Variants in FAM43A observed in about 807,000 individuals in gnomAD.
FAM43A encodes family with sequence similarity 43 member A.
In FAM43A, 11 loss-of-function variants were observed where a neutral mutation model predicts 15.7. The ratio of observed to expected loss-of-function variants is 0.70; its 90% CI spans 0.44 to 1.16. The LOEUF is 1.16. Among genes scored for constraint, FAM43A ranks in the 50% most tolerant of loss-of-function variants. The probability of loss-of-function intolerance (pLI) is 0.00; values close to 1 mark genes in which losing one functional copy is unlikely to be tolerated. For synonymous variants in FAM43A, 319 were observed against 291.7 expected, an observed-to-expected ratio of 1.09 and a Z score of -0.96; for missense variants, 573 against 620.0, an observed-to-expected ratio of 0.92 and a Z score of 0.80.
In FAM43A at chr3:194,686,710, A is replaced by C; in HGVS notation, c.-117A>C. 1 of 1,054,392 alleles carries C rather than the reference A, an allele frequency of 9.5e-7. No individual in the cohort carries two copies. Among genetic ancestry groups the C allele is most frequent in the Non-Finnish European group, 1.2e-6 (1 of 810,778 alleles). The allele number at this position is 1,054,392 out of a possible 1,614,324, so 65.3% of individuals were successfully genotyped here. A position where few individuals can be genotyped will look rare whatever the true frequency, so the allele number is the denominator to read the frequency against. ...TCCCTACCACAGGGCCGCTCCCAGTAGTTTTATTCTTCGATCTTGCCCGGG... is the reference window on the plus strand; with the variant it reads ...TCCCTACCACAGGGCCGCTCCCAGTCGTTTTATTCTTCGATCTTGCCCGGG... On this transcript the variant is annotated 5_prime_UTR_variant, in exon 1 of 1. Coordinates refer to ENST00000329759, the MANE Select transcript of FAM43A (RefSeq NM_153690.5).
In FAM43A at chr3:194,687,942, G is replaced by A. The variant is rs774451760; in HGVS notation, c.1116G>A (p.Leu372=). ...ELSFGNDVRT[L]QADLRVTRLL... ...GCTTCGGCAACGACGTGCGCACCCTGCAGGCCGACTTGCGGGTGACGCGCC... is the reference window on the plus strand; with the variant it reads ...GCTTCGGCAACGACGTGCGCACCCTACAGGCCGACTTGCGGGTGACGCGCC... Residue 372 remains leucine (L), a synonymous_variant, in exon 1 of 1, where the codon CTG becomes CTA. Coordinates refer to ENST00000329759, the MANE Select transcript of FAM43A (RefSeq NM_153690.5). The A allele has an allele frequency of 6.9e-7, 1 of 1,443,250 alleles. No homozygotes were observed. Among genetic ancestry groups the A allele is most frequent in the Non-Finnish European group, 9.1e-7 (1 of 1,097,508 alleles). The allele number at this position is 1,443,250 out of a possible 1,614,324, so 89.4% of individuals were successfully genotyped here. A position where few individuals can be genotyped will look rare whatever the true frequency, so the allele number is the denominator to read the frequency against.
chr3:194,687,694 G>A lies in FAM43A; in HGVS notation c.868G>A (p.Asp290Asn). ...EEEENRAAEG[D>N]PAEEEAEAQR... ...GGAGGAGAACCGTGCGGCAGAGGGAGATCCAGCAGAGGAGGAGGCCGAGGC... is the reference window on the plus strand; with the variant it reads ...GGAGGAGAACCGTGCGGCAGAGGGAAATCCAGCAGAGGAGGAGGCCGAGGC... The change falls in exon 1 of 1, where the codon GAT becomes AAT. Residue 290 changes from aspartate to asparagine, a missense_variant. Asp to Asn is a conservative substitution (Grantham distance 23). Coordinates refer to ENST00000329759, the MANE Select transcript of FAM43A (RefSeq NM_153690.5). 3.2e-6 allele frequency: 5 copies of A among 1,563,874 alleles called. No individual in the cohort carries two copies. The highest frequency in any genetic ancestry group is 4.3e-6 in the Non-Finnish European group (5 of 1,153,522).
In FAM43A at chr3:194,687,719, C is replaced by G; in HGVS notation, c.893C>G (p.Ala298Gly). 1.3e-6 allele frequency: 2 copies of G among 1,559,320 alleles called. No individual in the cohort carries two copies. Among genetic ancestry groups the G allele is most frequent in the Non-Finnish European group, 1.7e-6 (2 of 1,151,322 alleles). ...EGDPAEEEAE[A>G]QRALVVAMHF... ...GATCCAGCAGAGGAGGAGGCCGAGGCGCAGCGTGCGCTAGTGGTCGCCATG... is the reference window on the plus strand; with the variant it reads ...GATCCAGCAGAGGAGGAGGCCGAGGGGCAGCGTGCGCTAGTGGTCGCCATG... The change falls in exon 1 of 1, where the codon GCG becomes GGG. Residue 298 changes from alanine (A) to glycine (G), a missense_variant. Ala to Gly is a moderately conservative substitution (Grantham distance 60). Transcript: ENST00000329759.
rs1719422055 is a variant in FAM43A at position 194,686,604 on chromosome 3, C to G, written c.-223C>G. ...ACCAACCTTTTTTGCACACTCGAAG[C>G]TGAATATTTTCTTTTTTAGAGAATT... On this transcript the variant is annotated 5_prime_UTR_variant, in exon 1 of 1. Coordinates refer to ENST00000329759, the MANE Select transcript of FAM43A (RefSeq NM_153690.5). The G allele has an allele frequency of 1.0e-5, 4 of 395,460 alleles. No individual in the cohort carries two copies. The South Asian group carries it at 3.9e-4, about 38-fold the overall frequency. The allele number at this position is 395,460 out of a possible 1,614,324, so 24.5% of individuals were successfully genotyped here.
At position 194,687,673 on chromosome 3, in the gene FAM43A, G is replaced by T; in HGVS notation, c.847G>T (p.Glu283Ter). ...EQPEGCPEEE[E>*]NRAAEGDPAE... is the part of the protein sequence containing the mutation. ...ACCCGAGGGCTGCCCGGAGGAGGAG[G>T]AGAACCGTGCGGCAGAGGGAGATCC... is the stretch of plus-strand genomic sequence containing the variant. Residue 283 changes from glutamate (E) to a stop codon, truncating the protein, a stop_gained, in exon 1 of 1, where the codon GAG (glutamate) becomes TAG (stop). Transcript: ENST00000329759. LOFTEE classifies it low-confidence loss of function (END_TRUNC). 6.4e-7 allele frequency: 1 copy of T among 1,563,716 alleles called. No homozygotes were observed. Among genetic ancestry groups the T allele is most frequent in the Non-Finnish European group, 8.7e-7 (1 of 1,153,506 alleles).
chr3:194,687,711 G>T lies in FAM43A; in HGVS notation c.885G>T (p.Glu295Asp). ...RAAEGDPAEE[E>D]AEAQRALVVA... ...CAGAGGGAGATCCAGCAGAGGAGGAGGCCGAGGCGCAGCGTGCGCTAGTGG... is the reference window on the plus strand; with the variant it reads ...CAGAGGGAGATCCAGCAGAGGAGGATGCCGAGGCGCAGCGTGCGCTAGTGG... The change falls in exon 1 of 1, where the codon GAG becomes GAT. Residue 295 changes from glutamate to aspartate, a missense_variant. By Grantham distance (45) the Glu-to-Asp change is conservative. Transcript: ENST00000329759. 1 of 1,561,352 alleles carries T rather than the reference G, an allele frequency of 6.4e-7. No individual in the cohort carries two copies. Among genetic ancestry groups the T allele is most frequent in the Non-Finnish European group, 8.7e-7 (1 of 1,152,618 alleles).
chr3:194,687,999 C>T lies in FAM43A; in HGVS notation c.1173C>T (p.Ser391=), dbSNP rs780144169. The T allele has an allele frequency of 1.2e-5, 17 of 1,427,102 alleles. No individual in the cohort carries two copies. The highest frequency in any genetic ancestry group is 1.4e-5 in the Non-Finnish European group (15 of 1,091,344). The allele number at this position is 1,427,102 out of a possible 1,614,324, so 88.4% of individuals were successfully genotyped here. The part of the protein sequence containing the change: ...LLSGDSTGSE[S]SIEGGGPDAT... ...CAGGCGACAGCACGGGCAGCGAGAG[C>T]TCCATCGAGGGCGGGGGCCCTGACG... The change falls in exon 1 of 1, where the codon AGC becomes AGT. Residue 391 remains serine, a synonymous_variant. Coordinates refer to ENST00000329759, the MANE Select transcript of FAM43A (RefSeq NM_153690.5).
Position 194,686,736 on chromosome 3 carries a change from C to A in FAM43A, c.-91C>A, listed in dbSNP as rs1719425461. ...GTTTTATTCTTCGATCTTGCCCGGG[C>A]CGAGCCTGGCAGGGGCCGGTGGCTC... On this transcript the variant is annotated 5_prime_UTR_variant, in exon 1 of 1. Transcript: ENST00000329759. 2.0e-5 allele frequency: 25 copies of A among 1,264,888 alleles called. No individual in the cohort carries two copies. The highest frequency in any genetic ancestry group is 5.2e-4 in the Middle Eastern group (2 of 3,876). The allele number at this position is 1,264,888 out of a possible 1,614,324, so 78.4% of individuals were successfully genotyped here. A position where few individuals can be genotyped will look rare whatever the true frequency, so the allele number is the denominator to read the frequency against.
chr3:194,687,444 C>G lies in FAM43A; in HGVS notation c.618C>G (p.Asp206Glu), dbSNP rs1483789288. ...LAEFKRLKRR[D>E]DARHQQQELV... The stretch of plus-strand genomic sequence containing the variant: ...AATTTAAACGCCTCAAGCGGCGGGA[C>G]GACGCGCGTCACCAGCAGCAGGAGC... The change falls in exon 1 of 1, where the codon GAC becomes GAG. Residue 206 changes from aspartate (D) to glutamate (E), a missense_variant. By Grantham distance (45) the Asp-to-Glu change is conservative. Transcript: ENST00000329759. The G allele has an allele frequency of 3.9e-6, 6 of 1,534,518 alleles. No individual in the cohort carries two copies. The East Asian group carries it at 1.5e-4, about 38-fold the overall frequency.
Position 194,688,742 on chromosome 3 carries a change from G to A in FAM43A, c.*644G>A, listed in dbSNP as rs1447761500. The A allele has an allele frequency of 1.8e-5, 3 of 166,968 alleles. No individual in the cohort carries two copies. Among genetic ancestry groups the A allele is most frequent in the Non-Finnish European group, 4.4e-5 (3 of 68,132 alleles). The allele number at this position is 166,968 out of a possible 1,614,324, so 10.3% of individuals were successfully genotyped here. ...TAAAGACATCCAATATCTTAAAAAG[G>A]AGTTTTCCTTTAGAAACACACACAC... On this transcript the variant is annotated 3_prime_UTR_variant, in exon 1 of 1. Coordinates refer to ENST00000329759, the MANE Select transcript of FAM43A (RefSeq NM_153690.5).
Position 194,686,681 on chromosome 3 carries a change from C to A in FAM43A, c.-146C>A, listed in dbSNP as rs1180089477. 1 of 745,096 alleles carries A rather than the reference C, an allele frequency of 1.3e-6. No homozygotes were observed. Among genetic ancestry groups the A allele is most frequent in the Non-Finnish European group, 1.9e-6 (1 of 535,106 alleles). The allele number at this position is 745,096 out of a possible 1,614,324, so 46.2% of individuals were successfully genotyped here. On this transcript the variant is annotated 5_prime_UTR_variant, in exon 1 of 1. Coordinates refer to ENST00000329759, the MANE Select transcript of FAM43A (RefSeq NM_153690.5). The stretch of plus-strand genomic sequence containing the variant: ...AGCACTCTCTCTGCTCCCCTCCCCC[C>A]AACTCCCTACCACAGGGCCGCTCCC...
Position 194,688,135 on chromosome 3 carries a change from C to A in FAM43A, c.*37C>A, listed in dbSNP as rs190421742. ...CGTCGCCGGCGCTCCACCGTGGCTA[C>A]CCATCCGTGGTCCCGACAACCTCCC... On this transcript the variant is annotated 3_prime_UTR_variant, in exon 1 of 1. Coordinates refer to ENST00000329759, the MANE Select transcript of FAM43A (RefSeq NM_153690.5). The A allele has an allele frequency of 9.3e-4, 1,223 of 1,312,744 alleles. 17 individuals carry two copies. The African/African-American group carries it at 0.017, about 18-fold the overall frequency. The allele number at this position is 1,312,744 out of a possible 1,614,324, so 81.3% of individuals were successfully genotyped here. A position where few individuals can be genotyped will look rare whatever the true frequency, so the allele number is the denominator to read the frequency against.
rs1458909054 is a variant in FAM43A, at chr3:194,687,323, T to A, written c.497T>A (p.Val166Glu). The part of the protein sequence containing the change: ...VYRHELKHKA[V>E]MLRCHAVLVS... ...CGGCACGAGCTGAAGCACAAGGCCG[T>A]GATGCTGCGCTGCCACGCCGTGCTG... Residue 166 changes from valine to glutamate, a missense_variant, in exon 1 of 1, where the codon GTG (valine) becomes GAG (glutamate). Coordinates refer to ENST00000329759, the MANE Select transcript of FAM43A (RefSeq NM_153690.5). 1.7e-5 allele frequency: 26 copies of A among 1,550,528 alleles called. No individual in the cohort carries two copies. Among genetic ancestry groups the A allele is most frequent in the Non-Finnish European group, 2.3e-5 (26 of 1,154,472 alleles).
In FAM43A at chr3:194,687,754, T is replaced by C. The variant is rs1389662825; in HGVS notation, c.928T>C (p.Cys310Arg). The C allele has an allele frequency of 1.3e-6, 2 of 1,540,126 alleles. No homozygotes were observed. The highest frequency in any genetic ancestry group is 2.7e-5 in the African/African-American group (2 of 73,338). The change falls in exon 1 of 1, where the codon TGC becomes CGC. Residue 310 changes from cysteine to arginine, a missense_variant. Transcript: ENST00000329759. ...RALVVAMHFE[C>R]GDLLDTLENG... ...GCTAGTGGTCGCCATGCACTTTGAG[T>C]GCGGGGACTTGTTGGATACTCTGGA...
rs1314923831 is a variant in FAM43A at position 194,688,154 on chromosome 3, AC to A, written c.*58del. ...TGGCTACCCATCCGTGGTCCCGACA[AC>A]CTCCCTGTCCCTTGCCCGCCCCCAG... On this transcript the variant is annotated 3_prime_UTR_variant, in exon 1 of 1. Coordinates refer to ENST00000329759, the MANE Select transcript of FAM43A (RefSeq NM_153690.5). 8 of 1,295,450 alleles carry A rather than the reference AC, an allele frequency of 6.2e-6. No individual in the cohort carries two copies. The highest frequency in any genetic ancestry group is 7.9e-6 in the Non-Finnish European group (8 of 1,015,074). 80.2% of individuals were successfully genotyped at this position (1,295,450 alleles called of 1,614,324 possible). A position where few individuals can be genotyped will look rare whatever the true frequency, so the allele number is the denominator to read the frequency against.
chr3:194,688,352 A>G lies in FAM43A; in HGVS notation c.*254A>G, dbSNP rs1404845426. 1.5e-5 allele frequency: 6 copies of G among 391,946 alleles called. No homozygotes were observed. Among genetic ancestry groups the G allele is most frequent in the African/African-American group, 1.0e-4 (5 of 47,964 alleles). The allele number at this position is 391,946 out of a possible 1,614,324, so 24.3% of individuals were successfully genotyped here. On this transcript the variant is annotated 3_prime_UTR_variant, in exon 1 of 1. Coordinates refer to ENST00000329759, the MANE Select transcript of FAM43A (RefSeq NM_153690.5). ...AGAGGGGAAAACCCCGCCAGGAGGG[A>G]GAGAGAGGCACCCCTCTGGGATGCG...
rs1478587727 is a variant in FAM43A at position 194,687,650 on chromosome 3, C to G, written c.824C>G (p.Pro275Arg). ...CAGGAGGAAGAGGAAGAGGAGCAACCCGAGGGCTGCCCGGAGGAGGAGGAG... is the reference window on the plus strand; with the variant it reads ...CAGGAGGAAGAGGAAGAGGAGCAACGCGAGGGCTGCCCGGAGGAGGAGGAG... ...ELQEEEEEEQ[P>R]EGCPEEEENR... Residue 275 changes from proline to arginine, a missense_variant, in exon 1 of 1, where the codon CCC becomes CGC. Coordinates refer to ENST00000329759, the MANE Select transcript of FAM43A (RefSeq NM_153690.5). 2 of 1,562,648 alleles carry G rather than the reference C, an allele frequency of 1.3e-6. No homozygotes were observed. Among genetic ancestry groups the G allele is most frequent in the African/African-American group, 2.7e-5 (2 of 73,844 alleles).
chr3:194,686,611 T>C lies in FAM43A; in HGVS notation c.-216T>C. ...TTTTTTGCACACTCGAAGCTGAATA[T>C]TTTCTTTTTTAGAGAATTTACCCGC... On this transcript the variant is annotated 5_prime_UTR_variant, in exon 1 of 1. Transcript: ENST00000329759. 2.5e-6 allele frequency: 1 copy of C among 403,712 alleles called. No individual in the cohort carries two copies. The highest frequency in any genetic ancestry group is 9.5e-5 in the South Asian group (1 of 10,496). The allele number at this position is 403,712 out of a possible 1,614,324, so 25.0% of individuals were successfully genotyped here.
In FAM43A at chr3:194,687,609, G is replaced by T; in HGVS notation, c.783G>T (p.Gln261His). 1 of 1,573,268 alleles carries T rather than the reference G, an allele frequency of 6.4e-7. No homozygotes were observed. Among genetic ancestry groups the T allele is most frequent in the Non-Finnish European group, 8.6e-7 (1 of 1,158,884 alleles). Residue 261 changes from glutamine to histidine, a missense_variant, in exon 1 of 1, where the codon CAG (glutamine) becomes CAT (histidine). Gln to His is a conservative substitution (Grantham distance 24). Coordinates refer to ENST00000329759, the MANE Select transcript of FAM43A (RefSeq NM_153690.5). Reference protein sequence around the residue: ...GSITEDLLGEQLEQELQEEEE... With the variant: ...GSITEDLLGEHLEQELQEEEE... ...TCACCGAGGACCTGCTCGGCGAACA[G>T]CTGGAGCAGGAGCTGCAGGAGGAAG...
Sources: gnomAD v4.1 joint callset for allele counts on GRCh38, gnomAD v4.1.1 for gene constraint, MANE v1.5 for transcripts, NCBI Gene and HGNC (gene_info 2026-07-23, HGNC 2026-07-21) for gene names.